The following DNASE1 variants were observed in gnomAD, a reference collection of about 807,000 sequenced individuals.
The protein encoded by DNASE1 is deoxyribonuclease 1.
A neutral mutation model predicts 33.9 loss-of-function variants in DNASE1; 40 were observed. The ratio of observed to expected loss-of-function variants is 1.18; its 90% CI spans 0.92 to 1.54. DNASE1 has a LOEUF of 1.54. Ranked by LOEUF, DNASE1 falls within the 40% of genes most tolerant of loss-of-function variation. The pLI, the probability that DNASE1 is intolerant of heterozygous loss-of-function variation, is 0.00. For missense variants in DNASE1, 518 were observed against 372.6 expected, an observed-to-expected ratio of 1.39 and a Z score of -3.21; for synonymous variants, 216 against 160.0, an observed-to-expected ratio of 1.35 and a Z score of -2.64.
chr16:3,650,642 A>C (rs965013993), upstream of DNASE1: 2 of 151,150 alleles, frequency 1.3e-5, 1 homozygote, highest in South Asian at 4.2e-4. Context: ...GAAATCCCCC[A>C]CAGTTCCATT....
At position 3,656,747 on chromosome 16, in the gene DNASE1, T is replaced by G; in HGVS notation, c.430T>G (p.Phe144Val). 6.2e-7 allele frequency: 1 copy of G among 1,607,048 alleles called. No individual in the cohort carries two copies. Among genetic ancestry groups the G allele is most frequent in the Non-Finnish European group, 8.5e-7 (1 of 1,176,798 alleles). ...AGCCATTGTCAGGTTCTTCTCCCGGTTCACAGGTGGGTGCTGCCTGGGCCA... is the reference window on the plus strand; with the variant it reads ...AGCCATTGTCAGGTTCTTCTCCCGGGTCACAGGTGGGTGCTGCCTGGGCCA... Reference protein sequence around the residue: ...EPAIVRFFSRFTEVREFAIVP... With the variant: ...EPAIVRFFSRVTEVREFAIVP... The change falls in exon 5 of 9, where the codon TTC (phenylalanine) becomes GTC (valine). Residue 144 changes from phenylalanine to valine, a missense_variant. Phe to Val is a conservative substitution (Grantham distance 50). Transcript: ENST00000246949.
intron 1 of DNASE1, among the ~76,000 whole-genome samples, chr16:3,636,544 G>A (rs1191352410): frequency 3.9e-5 from 6 of 152,180 alleles, no homozygotes; most frequent in East Asian, 1.9e-4. Flanking sequence ...TGAGGAGGCC[G>A]GGCATGGTGG....
At chr16:3,635,105 C>A (rs1245632764) in intron 1 of DNASE1, among the ~76,000 whole-genome samples, 2 of 152,230 alleles carry the variant, frequency 1.3e-5, no homozygotes, top group African/African-American at 4.8e-5. Context: ...GAGGCATGCA[C>A]CACCATGCCT....
intron 1 of DNASE1, among the ~76,000 whole-genome samples, chr16:3,643,295 G>T (rs2042075299): frequency 6.6e-6 from 1 of 152,266 alleles, no homozygotes; most frequent in Admixed American, 6.5e-5. Flanking sequence ...ATTTGCTGAT[G>T]AAGCTGCTTA....
rs572625043 is a variant in DNASE1 at position 3,647,007 on chromosome 16, G to A, written c.-86+3971G>A. On this transcript the variant is annotated intron_variant, in intron 1 of 9. Transcript: ENST00000407479. ...CTGATGCCCGATGCCCATCAGACCT[G>A]TCTGAGGGGAGATGTCCCAGCCACA... Among the ~76,000 whole-genome samples, 12 of 152,280 alleles carry A rather than the reference G, an allele frequency of 7.9e-5. No individual in the cohort carries two copies. The South Asian group carries it at 2.5e-3, about 32-fold the overall frequency.
intron 1 of DNASE1, among the ~76,000 whole-genome samples, chr16:3,614,330 G>A (rs916409351): frequency 1.3e-5 from 2 of 152,158 alleles, no homozygotes; most frequent in African/African-American, 4.8e-5. Context: ...TGGGATTACT[G>A]GTGTGAGCCA....
upstream of DNASE1, among the ~76,000 whole-genome samples, chr16:3,641,491 G>T (rs2042021083): frequency 6.6e-6 from 1 of 152,172 alleles, no homozygotes; most frequent in Non-Finnish European, 1.5e-5. Context: ...CAGGGTGAGG[G>T]ACAGCATCTT....
At chr16:3,625,453 CA>C (rs926078689) in intron 1 of DNASE1, among the ~76,000 whole-genome samples, 3 of 148,612 alleles carry the variant, frequency 2.0e-5, no homozygotes, top group East Asian at 2.0e-4. Context: ...CCCATCGCTG[CA>C]AAAAAAAAAT....
chr16:3,652,001 C>G (rs545699702), upstream of DNASE1: 1 of 152,446 alleles, frequency 6.6e-6, no homozygotes, highest in Non-Finnish European at 1.5e-5. Flanking sequence ...TGATCCCAGA[C>G]GGGCCCCATG....
chr16:3,629,111 G>A (rs201008113), intron 1 of DNASE1, among the ~76,000 whole-genome samples: 1 of 147,486 alleles, frequency 6.8e-6, no homozygotes, highest in East Asian at 2.0e-4. Context: ...GGCGGAGGTT[G>A]CAGTGAGCCG....
At chr16:3,646,993 T>C (rs1367000347) in intron 1 of DNASE1, among the ~76,000 whole-genome samples, 1 of 152,136 alleles carries the variant, frequency 6.6e-6, no homozygotes, top group Non-Finnish European at 1.5e-5. Context: ...TGATGCCCGA[T>C]GCCCATCAGA....
chr16:3,657,303 T>A lies in DNASE1; in HGVS notation c.666T>A (p.Ala222=). The change falls in exon 7 of 9, where the codon GCT becomes GCA. Residue 222 remains alanine, a synonymous_variant. Transcript: ENST00000246949. ...TCCAGTGGCTGATCCCCGACAGCGC[T>A]GACACCACAGCTACACCCACGCACT... ...PTFQWLIPDS[A]DTTATPTHCA... The A allele has an allele frequency of 6.2e-7, 1 of 1,613,882 alleles. No individual in the cohort carries two copies.
intron 1 of DNASE1, among the ~76,000 whole-genome samples, chr16:3,617,430 C>G (rs1021858284): frequency 1.4e-5 from 2 of 145,876 alleles, no homozygotes; most frequent in Admixed American, 1.4e-4. Flanking sequence ...GCAGAAACAA[C>G]AAAAAATAAT....
rs1437513612 is a variant in DNASE1 at position 3,663,437 on chromosome 16, C to T, written c.*5484C>T. 5 of 1,614,008 alleles carry T rather than the reference C, an allele frequency of 3.1e-6. No homozygotes were observed. Among genetic ancestry groups the T allele is most frequent in the Non-Finnish European group, 4.2e-6 (5 of 1,180,014 alleles). On this transcript the variant is annotated 3_prime_UTR_variant, in exon 10 of 10. Transcript: ENST00000407479. Reference sequence around the variant, plus strand: ...GGGGATGCCGACCTGGGGACCTGTCCTCAAACTTCTCCTCCTTGTAGTGAT... The same window carrying T: ...GGGGATGCCGACCTGGGGACCTGTCTTCAAACTTCTCCTCCTTGTAGTGAT...
At chr16:3,656,905 C>T (rs1204001495) in intron 5 of DNASE1, 94 bp from the exon 6 acceptor site, 7 of 1,554,020 alleles carry the variant, frequency 4.5e-6, no homozygotes, top group African/African-American at 1.4e-5. Context: ...TATCCACCCC[C>T]CGGGGGGACT....
chr16:3,645,325 T>G (rs887304634), intron 1 of DNASE1, among the ~76,000 whole-genome samples: 2 of 152,024 alleles, frequency 1.3e-5, no homozygotes, highest in Non-Finnish European at 2.9e-5. Context: ...CGAGGTGGCT[T>G]CGGAATTGGG....
At chr16:3,656,810 C>T in intron 5 of DNASE1, 57 bp downstream of exon 5, 3 of 1,551,444 alleles carry the variant, frequency 1.9e-6, no homozygotes, top group South Asian at 1.2e-5. Flanking sequence ...CCTCCACCCC[C>T]TCCTAGGGAA....
At position 3,634,761 on chromosome 16, in the gene DNASE1, C is replaced by T. The variant is rs114725058; in HGVS notation, c.-1358-5954C>T. On this transcript the variant is annotated intron_variant and NMD_transcript_variant, in intron 1 of 11. Transcript: ENST00000570769. The stretch of plus-strand genomic sequence containing the variant: ...AACTCCTGGTCTTAAGAAGTCCTCC[C>T]GCCTCAGCCTCCCAAAGTGTTGGGA... Among the ~76,000 whole-genome samples, 247 of 151,870 alleles carry T rather than the reference C, an allele frequency of 1.6e-3. 4 individuals are homozygous for T. In the Middle Eastern group the frequency reaches 0.02, roughly 13 times the overall value.
In DNASE1 at chr16:3,664,412, G is replaced by C. The variant is rs780424369; in HGVS notation, c.*6459G>C. ...ATTCTGAGAGGCTGGTTAGCTGCCC[G>C]GAGGGCAGCGCCGAGGACTCGTAGC... On this transcript the variant is annotated 3_prime_UTR_variant, in exon 10 of 10. Coordinates refer to the DNASE1 transcript ENST00000407479. 12 of 1,611,808 alleles carry C rather than the reference G, an allele frequency of 7.4e-6. No individual in the cohort carries two copies. In the Admixed American group the frequency reaches 1.8e-4, roughly 25 times the overall value.
Sources: gnomAD v4.1 joint callset for allele counts (sites outside exome capture counted in the v4.1 genomes callset) on GRCh38, gnomAD v4.1.1 for gene constraint, MANE v1.5 for transcripts, NCBI Gene and HGNC (gene_info 2026-07-23, HGNC 2026-07-21) for gene names.